The following KLHL29 variants were observed in gnomAD, a reference collection of about 807,000 sequenced individuals.
KLHL29 encodes the protein kelch-like protein 29.
A neutral mutation model predicts 80.4 loss-of-function variants in KLHL29; 21 were observed. That is an observed-to-expected ratio of 0.26 (90% CI 0.19 to 0.38). The LOEUF (loss-of-function observed/expected upper bound fraction) is 0.38, where lower values mean the gene tolerates loss of function less well. Ranked by LOEUF, KLHL29 falls within the 10% of genes least tolerant of loss-of-function variation. The pLI is 1.00. For synonymous variants in KLHL29, 511 were observed against 526.8 expected, an observed-to-expected ratio of 0.97 and a Z score of 0.41; for missense variants, 867 against 1,223.9, an observed-to-expected ratio of 0.71 and a Z score of 4.35.
intron 5 of KLHL29, among the ~76,000 whole-genome samples, chr2:23,654,596 C>T (rs1367556907): frequency 2.0e-5 from 3 of 149,778 alleles, no homozygotes; most frequent in East Asian, 2.0e-4. Flanking sequence ...TGAAGCTGGC[C>T]CTGCTGTTGG....
At chr2:23,662,321 A>G (rs926942144) in intron 5 of KLHL29, among the ~76,000 whole-genome samples, 1 of 152,166 alleles carries the variant, frequency 6.6e-6, no homozygotes, top group African/African-American at 2.4e-5. Context: ...CCCACCAACC[A>G]TAGGAAATTC....
At chr2:23,565,053 G>T (rs971505512) in intron 3 of KLHL29, among the ~76,000 whole-genome samples, 3 of 152,204 alleles carry the variant, frequency 2.0e-5, no homozygotes, top group South Asian at 4.1e-4. Context: ...CAGAGTTGTT[G>T]TGAGGACTGT....
intron 1 of KLHL29, among the ~76,000 whole-genome samples, chr2:23,441,857 A>G (rs1489303621): frequency 6.6e-6 from 1 of 152,182 alleles, no homozygotes; most frequent in Non-Finnish European, 1.5e-5. Context: ...CCACTGTGCA[A>G]GCACTTATTC....
chr2:23,502,825 C>G (rs371025979), intron 2 of KLHL29, among the ~76,000 whole-genome samples: 2 of 152,178 alleles, frequency 1.3e-5, no homozygotes, highest in East Asian at 1.9e-4. Context: ...ACGGACACTT[C>G]CAGATAGAAG....
intron 5 of KLHL29, among the ~76,000 whole-genome samples, chr2:23,679,543 G>A (rs771713865): frequency 6.6e-6 from 1 of 150,556 alleles, no homozygotes; most frequent in South Asian, 2.1e-4. Flanking sequence ...AAGATTCAAA[G>A]GGTAGGGAAA....
At chr2:23,688,179 C>T (rs1468817671) in intron 6 of KLHL29, among the ~76,000 whole-genome samples, 2 of 152,184 alleles carry the variant, frequency 1.3e-5, no homozygotes, top group African/African-American at 4.8e-5. Flanking sequence ...CACCAAGTTA[C>T]CAAGGGTGGG....
In KLHL29 at chr2:23,700,584, A is replaced by G. The variant is rs372175987; in HGVS notation, c.2106-2602A>G. On this transcript the variant is annotated intron_variant, in intron 11 of 13. Coordinates refer to ENST00000486442, the MANE Select transcript of KLHL29 (RefSeq NM_052920.2). This position sits in a 1 kb window ranked among gnomAD's most constrained non-coding sequence, Gnocchi z 4.6. The stretch of plus-strand genomic sequence containing the variant: ...AAACCAGCAAACGCTACAAACCATG[A>G]CGTTTTCCCTAGAGAGCTGGCTGTT... Among the ~76,000 whole-genome samples the G allele has an allele frequency of 2.0e-5, 3 of 152,242 alleles. No homozygotes were observed. Among genetic ancestry groups the G allele is most frequent in the African/African-American group, 7.2e-5 (3 of 41,536 alleles).
intron 5 of KLHL29, among the ~76,000 whole-genome samples, chr2:23,662,059 A>C (rs1078345): frequency 6.6e-6 from 1 of 152,134 alleles, no homozygotes. Context: ...ACTGAAGCAC[A>C]AGCTCCAGGT....
At chr2:23,388,796 C>T (rs1176401048) in intron 1 of KLHL29, among the ~76,000 whole-genome samples, 2 of 151,728 alleles carry the variant, frequency 1.3e-5, no homozygotes, top group Admixed American at 6.6e-5. Flanking sequence ...ACCCCTAATA[C>T]TAATGTCATT....
At chr2:23,474,589 A>G (rs1208071960) in intron 1 of KLHL29, among the ~76,000 whole-genome samples, 1 of 152,200 alleles carries the variant, frequency 6.6e-6, no homozygotes, top group African/African-American at 2.4e-5. Flanking sequence ...TTCAGCTTGA[A>G]AATGGCTATT....
chr2:23,471,668 G>T (rs908992020), intron 1 of KLHL29, among the ~76,000 whole-genome samples: 1 of 152,084 alleles, frequency 6.6e-6, no homozygotes, highest in Non-Finnish European at 1.5e-5. Context: ...TAGCTTTTAC[G>T]ATTTGTTTTC....
chr2:23,629,554 G>A (rs764475738), intron 3 of KLHL29, among the ~76,000 whole-genome samples: 1 of 152,148 alleles, frequency 6.6e-6, no homozygotes, highest in Non-Finnish European at 1.5e-5. Context: ...TGTCCACAAG[G>A]CCCATCCACT....
At chr2:23,686,646 C>T (rs1655391810) in intron 6 of KLHL29, among the ~76,000 whole-genome samples, 1 of 152,006 alleles carries the variant, frequency 6.6e-6, no homozygotes, top group Admixed American at 6.6e-5. Context: ...AGGCCAGTGT[C>T]GGGAGAGCTG....
chr2:23,552,761 C>CTTTTCTTTTT (rs71400590), intron 2 of KLHL29, among the ~76,000 whole-genome samples: 1 of 95,576 alleles, frequency 1.0e-5, no homozygotes, highest in Non-Finnish European at 1.9e-5. Context: ...GGTTTCTTTT[C>CTTTTCTTTTT]TTTTTTTTTT....
intron 1 of KLHL29, among the ~76,000 whole-genome samples, chr2:23,431,627 T>G (rs1349344709): frequency 6.6e-6 from 1 of 152,148 alleles, no homozygotes; most frequent in Non-Finnish European, 1.5e-5. Flanking sequence ...GCGCGGTGGC[T>G]CACGCCTGTA....
intron 3 of KLHL29, among the ~76,000 whole-genome samples, chr2:23,623,007 T>TG (rs1346119488): frequency 6.6e-6 from 1 of 152,178 alleles, no homozygotes; most frequent in Non-Finnish European, 1.5e-5. Context: ...TGAGAAACCT[T>TG]GTCCTGCCCT....
chr2:23,575,208 G>A (rs1169811268), intron 3 of KLHL29, among the ~76,000 whole-genome samples: 1 of 152,204 alleles, frequency 6.6e-6, no homozygotes, highest in Non-Finnish European at 1.5e-5. Context: ...GAGCCGTGGA[G>A]GAGCGTTTTT....
intron 5 of KLHL29, among the ~76,000 whole-genome samples, chr2:23,674,863 G>T (rs1181132833): frequency 6.6e-6 from 1 of 152,018 alleles, no homozygotes; most frequent in African/African-American, 2.4e-5. Context: ...GGGCCACCCT[G>T]CCCCTAAATG....
chr2:23,428,132 T>C (rs758323355), intron 1 of KLHL29, among the ~76,000 whole-genome samples: 5 of 152,358 alleles, frequency 3.3e-5, no homozygotes, highest in South Asian at 4.1e-4. Flanking sequence ...ACCTGCCGCA[T>C]GGCCTCATCC....
Sources: gnomAD v4.1 joint callset for allele counts (sites outside exome capture counted in the v4.1 genomes callset) on GRCh38, gnomAD v4.1.1 for gene constraint, Gnocchi (gnomAD v3.1) non-coding constraint, MANE v1.5 for transcripts, NCBI Gene and HGNC (gene_info 2026-07-23, HGNC 2026-07-21) for gene names.